CYTH1: variants seen among roughly 807,000 people sequenced by gnomAD.
CYTH1 encodes cytohesin 1.
Under a neutral mutation model 61.8 loss-of-function variants are expected in CYTH1, and 18 were observed. That is an observed-to-expected ratio of 0.29 (90% CI 0.20 to 0.43). The LOEUF is 0.43. CYTH1 is among the 20% of genes least tolerant of loss of function. The pLI is 1.00. For synonymous variants in CYTH1, 174 were observed against 184.3 expected (o/e 0.94, Z 0.45); for missense variants, 336 against 510.5 (o/e 0.66, Z 3.29).
At chr17:78,683,121 A>G (rs1222066367) in intron 11 of CYTH1, among the ~76,000 whole-genome samples, 2 of 152,040 alleles carry the variant, frequency 1.3e-5, no homozygotes, top group Non-Finnish European at 2.9e-5. Context: ...CCATGCTTTG[A>G]ATTTCCAGGA....
intron 1 of CYTH1, among the ~76,000 whole-genome samples, chr17:78,739,999 G>A (rs990702137): frequency 6.6e-6 from 1 of 152,066 alleles, no homozygotes; most frequent in East Asian, 1.9e-4. Flanking sequence ...GCAGTGGCGC[G>A]ATCTCGGCTC....
In CYTH1 at chr17:78,695,889, G is replaced by A. The variant is rs898280861; in HGVS notation, c.814+118C>T. 32 of 1,314,458 alleles carry A rather than the reference G, an allele frequency of 2.4e-5. No homozygotes were observed. The South Asian group carries it at 3.3e-4, about 13-fold the overall frequency. 81.4% of individuals were successfully genotyped at this position (1,314,458 alleles called of 1,614,324 possible). ...GGGACTGTACAATAAGTTAGAAGCA[G>A]CATTAACACTACCACCGGCAATTAA... On this transcript the variant is annotated intron_variant, in intron 10 of 13. Transcript: ENST00000446868.
At chr17:78,777,605 T>C (rs2093497910) in intron 1 of CYTH1, among the ~76,000 whole-genome samples, 1 of 152,124 alleles carries the variant, frequency 6.6e-6, no homozygotes, top group South Asian at 2.1e-4. Context: ...TAAGACTCTC[T>C]TTCTATAGCA....
intron 1 of CYTH1, among the ~76,000 whole-genome samples, chr17:78,764,709 G>C (rs1461734725): frequency 6.6e-6 from 1 of 152,050 alleles, no homozygotes; most frequent in Non-Finnish European, 1.5e-5. Flanking sequence ...AGTGACCTTT[G>C]TTTCTATATC....
rs118077231 is a variant in CYTH1, at chr17:78,694,103, C to T, written c.815-1610G>A. On this transcript the variant is annotated intron_variant, in intron 10 of 13. Coordinates refer to ENST00000446868, the MANE Select transcript of CYTH1 (RefSeq NM_004762.6). ...ACCAGAGAAACCTAAGGGGAGTATG[C>T]AAATAATGTTATGAAAAGAAAATGT... Among the ~76,000 whole-genome samples the T allele has an allele frequency of 6.1e-3, 932 of 152,294 alleles. 46 individuals are homozygous for T. In the East Asian group the frequency reaches 0.12, roughly 19 times the overall value.
At chr17:78,740,999 A>G (rs994069864) in intron 1 of CYTH1, among the ~76,000 whole-genome samples, 2 of 152,248 alleles carry the variant, frequency 1.3e-5, no homozygotes, top group Admixed American at 6.5e-5. Context: ...GTCTGAACAA[A>G]TGATATCGGA....
Position 78,698,854 on chromosome 17 carries a change from T to A in CYTH1, c.665A>T (p.Asn222Ile). 1 of 1,598,070 alleles carries A rather than the reference T, an allele frequency of 6.3e-7. No individual in the cohort carries two copies. ...ERFIAMNRGI[N>I]DGGDLPEELL... ...CTCCTCCGGCAGGTCTCCCCCATCA[T>A]TGATGCCTCGGTTCATGGCAATGAA... is the stretch of plus-strand genomic sequence containing the variant. Residue 222 changes from asparagine (N) to isoleucine (I), a missense_variant, in exon 8 of 14, where the codon AAT (asparagine) becomes ATT (isoleucine). By Grantham distance (149) the Asn-to-Ile change is moderately radical (BLOSUM62 -3). Coordinates refer to ENST00000446868, the MANE Select transcript of CYTH1 (RefSeq NM_004762.6).
At chr17:78,769,978 C>T (rs762314971) in intron 1 of CYTH1, among the ~76,000 whole-genome samples, 31 of 151,906 alleles carry the variant, frequency 2.0e-4, no homozygotes, top group African/African-American at 2.7e-4. Flanking sequence ...GGTGAAACCC[C>T]GTCTGTACTA....
chr17:78,733,675 C>G (rs1384367), intron 1 of CYTH1, among the ~76,000 whole-genome samples: 2 of 152,242 alleles, frequency 1.3e-5, no homozygotes, highest in South Asian at 4.1e-4. Context: ...GAATTCCAGG[C>G]GATGCCAAGA....
At chr17:78,692,646 C>G (rs2092900262) in intron 10 of CYTH1, 153 bp from the exon 11 acceptor site, 1 of 656,328 alleles carries the variant, frequency 1.5e-6, no homozygotes, top group African/African-American at 1.8e-5. Flanking sequence ...TAACAAGACA[C>G]AGAGCTGAAA....
At chr17:78,696,311 A>G (rs1312857831) in intron 9 of CYTH1, among the ~76,000 whole-genome samples, 2 of 152,236 alleles carry the variant, frequency 1.3e-5, no homozygotes, top group Non-Finnish European at 2.9e-5. Flanking sequence ...GCTTTTACAA[A>G]GCCAATGTTT....
intron 1 of CYTH1, among the ~76,000 whole-genome samples, chr17:78,738,115 AG>A (rs1385176935): frequency 6.6e-6 from 1 of 152,182 alleles, no homozygotes; most frequent in Non-Finnish European, 1.5e-5. Context: ...TTATCTCCAT[AG>A]AAAAAAATTC....
chr17:78,740,483 C>T (rs1180134359), intron 1 of CYTH1, among the ~76,000 whole-genome samples: 1 of 152,208 alleles, frequency 6.6e-6, no homozygotes, highest in African/African-American at 2.4e-5. Flanking sequence ...CCCTATTGGG[C>T]ACAGCAGGCC....
At chr17:78,727,264 A>C (rs1280279022) in intron 1 of CYTH1, among the ~76,000 whole-genome samples, 1 of 152,218 alleles carries the variant, frequency 6.6e-6, no homozygotes, top group African/African-American at 2.4e-5. Flanking sequence ...GCGAGTCAGC[A>C]TTCTCAATCT....
chr17:78,776,396 C>G (rs1220188252), intron 1 of CYTH1, among the ~76,000 whole-genome samples: 2 of 152,044 alleles, frequency 1.3e-5, no homozygotes, highest in Non-Finnish European at 2.9e-5. Context: ...ATGGCTCACA[C>G]CTGTAATCCC....
At chr17:78,738,551 C>G (rs2093330148) in intron 1 of CYTH1, among the ~76,000 whole-genome samples, 1 of 152,038 alleles carries the variant, frequency 6.6e-6, no homozygotes, top group Non-Finnish European at 1.5e-5. Context: ...GCTGACATGA[C>G]TCCAGGGCAA....
chr17:78,677,664 A>T (rs985670869), intron 13 of CYTH1: 1 of 152,410 alleles, frequency 6.6e-6, no homozygotes, highest in Non-Finnish European at 1.5e-5. Context: ...GACCACCCAC[A>T]CGCAGGGGCA....
chr17:78,679,960 T>C (rs1474034154), intron 13 of CYTH1, among the ~76,000 whole-genome samples: 2 of 152,206 alleles, frequency 1.3e-5, no homozygotes, highest in East Asian at 3.8e-4. Flanking sequence ...TTTGGGTCTA[T>C]GAGGACACGT....
chr17:78,726,276 T>C (rs923819121), intron 1 of CYTH1, among the ~76,000 whole-genome samples: 3 of 152,158 alleles, frequency 2.0e-5, no homozygotes, highest in African/African-American at 7.2e-5. Flanking sequence ...TCTCCTGACC[T>C]TGTGATCTGC....
Sources: gnomAD v4.1 joint callset for allele counts (sites outside exome capture counted in the v4.1 genomes callset) on GRCh38, gnomAD v4.1.1 for gene constraint, MANE v1.5 for transcripts, NCBI Gene and HGNC (gene_info 2026-07-23, HGNC 2026-07-21) for gene names.